The following FLNB variants were observed in gnomAD, a reference collection of about 807,000 sequenced individuals.
FLNB encodes filamin B.
FLNB carries 111 observed loss-of-function variants against 250.6 expected under a neutral mutation model. The observed-to-expected ratio is 0.44, with a 90% CI of 0.38 to 0.52. FLNB has a LOEUF of 0.52. FLNB is among the 20% of genes least tolerant of loss of function. The pLI is 0.00. For synonymous variants in FLNB, 1,302 were observed against 1,372.1 expected (o/e 0.95, Z 1.13); for missense variants, 2,869 against 3,447.8 (o/e 0.83, Z 4.20).
At chr3:58,129,406 G>A (rs907601070) in intron 24 of FLNB, among the ~76,000 whole-genome samples, 3 of 152,206 alleles carry the variant, frequency 2.0e-5, no homozygotes, top group African/African-American at 7.2e-5. Context: ...CTCATGCTGA[G>A]CTCAGACAAC....
chr3:58,015,699 G>A (rs2097104793), intron 1 of FLNB, among the ~76,000 whole-genome samples: 1 of 152,098 alleles, frequency 6.6e-6, no homozygotes, highest in African/African-American at 2.4e-5. Context: ...AGTAGGTGCT[G>A]GGGTGTAGGC....
At position 58,108,534 on chromosome 3, in the gene FLNB, A is replaced by G; in HGVS notation, c.2018A>G (p.Lys673Arg). 6.2e-7 allele frequency: 1 copy of G among 1,614,062 alleles called. No individual in the cohort carries two copies. The highest frequency in any genetic ancestry group is 8.5e-7 in the Non-Finnish European group (1 of 1,179,898). ...CTGGCCGAGTTCACTGTGGATCCTA[A>G]GGATGCTGGAAAAGCTCCCTTAAAG... ...NNLAEFTVDPKDAGKAPLKIF... is the reference protein window; with the variant it reads ...NNLAEFTVDPRDAGKAPLKIF... The change falls in exon 13 of 46, where the codon AAG (lysine) becomes AGG (arginine). Residue 673 changes from lysine to arginine, a missense_variant. Lys to Arg is a conservative substitution (Grantham distance 26, BLOSUM62 2). This residue lies in a region of FLNB where 1,348 missense variants were observed against 1,466.7 expected (regional missense o/e 0.92). Coordinates refer to ENST00000295956, the MANE Select transcript of FLNB (RefSeq NM_001457.4).
At chr3:58,111,961 A>T in intron 17 of FLNB, 80 bp downstream of exon 17, 1 of 1,283,004 alleles carries the variant, frequency 7.8e-7, no homozygotes, top group Non-Finnish European at 1.1e-6. Context: ...GGCCTTGAGG[A>T]ACTTCATCTC....
At chr3:58,121,583 C>T (rs1230614751) in intron 20 of FLNB, 80 bp downstream of exon 20, 3 of 1,560,656 alleles carry the variant, frequency 1.9e-6, no homozygotes, top group Middle Eastern at 1.7e-4. Flanking sequence ...TTCTTCCTGG[C>T]AAAGACCTTC....
At position 58,106,888 on chromosome 3, in the gene FLNB, G is replaced by A. The variant is rs1221575506; in HGVS notation, c.1941+15G>A. ...ACCCTGATCTGGTGAATCAGCTGCT[G>A]TGCTTCTGTCTTCTTGTCCCTGGCC... On this transcript the variant is annotated intron_variant, in intron 12 of 45. Coordinates refer to ENST00000295956, the MANE Select transcript of FLNB (RefSeq NM_001457.4). The A allele has an allele frequency of 1.2e-6, 2 of 1,610,938 alleles. No homozygotes were observed. The highest frequency in any genetic ancestry group is 1.3e-5 in the African/African-American group (1 of 74,868).
intron 1 of FLNB, among the ~76,000 whole-genome samples, chr3:58,063,539 TC>T (rs1200475028): frequency 6.6e-6 from 1 of 152,128 alleles, no homozygotes; most frequent in East Asian, 1.9e-4. Context: ...CAGGCAGAGT[TC>T]CCCCTATCTG....
At chr3:58,013,131 A>T (rs944852544) in intron 1 of FLNB, among the ~76,000 whole-genome samples, 3 of 152,126 alleles carry the variant, frequency 2.0e-5, no homozygotes. Flanking sequence ...TTTTCCAAAA[A>T]CCTTTCTGAC....
chr3:58,154,510 A>T (rs1385885761), intron 39 of FLNB: 1 of 377,776 alleles, frequency 2.6e-6, no homozygotes, highest in Non-Finnish European at 5.0e-6. Context: ...GCACCACTGC[A>T]CTCCAGCCTG....
intron 1 of FLNB, among the ~76,000 whole-genome samples, chr3:58,056,073 TTTTA>T (rs1197071012): frequency 1.3e-3 from 193 of 145,010 alleles, no homozygotes; most frequent in African/African-American, 3.2e-3. Flanking sequence ...CATTAATAAA[TTTTA>T]TTTATTTATT....
chr3:58,123,293 C>T lies in FLNB; in HGVS notation c.3327C>T (p.Val1109=). 13 of 1,614,176 alleles carry T rather than the reference C, an allele frequency of 8.1e-6. No homozygotes were observed. Among genetic ancestry groups the T allele is most frequent in the Non-Finnish European group, 1.1e-5 (13 of 1,180,030 alleles). The change falls in exon 21 of 46, where the codon GTC becomes GTT. Residue 1109 remains valine, a synonymous_variant. Coordinates refer to ENST00000295956, the MANE Select transcript of FLNB (RefSeq NM_001457.4). ...CCACAAAACCCGGGGAGTACTTCGT[C>T]AACATCCTCTTTGAAGAAGTCCACA... is the stretch of plus-strand genomic sequence containing the variant. ...YLPTKPGEYF[V]NILFEEVHIP...
chr3:58,066,227 T>A (rs960581075), intron 1 of FLNB, among the ~76,000 whole-genome samples: 1 of 151,376 alleles, frequency 6.6e-6, no homozygotes, highest in African/African-American at 2.4e-5. Context: ...CTTTTTTTTT[T>A]TTTTGAGACA....
chr3:58,129,157 C>T (rs3772993), intron 24 of FLNB, among the ~76,000 whole-genome samples: 58,688 of 151,948 alleles, frequency 0.39, 13,617 homozygotes, highest in East Asian at 0.91. Context: ...TTTTTAACAA[C>T]GTGTCCTGTC....
chr3:58,021,765 C>A (rs2097114378), intron 1 of FLNB, among the ~76,000 whole-genome samples: 1 of 148,554 alleles, frequency 6.7e-6, no homozygotes, highest in South Asian at 2.4e-4. Context: ...GCACCCAACA[C>A]CTTGTTTTTT....
At chr3:58,020,500 T>C (rs1372041985) in intron 1 of FLNB, among the ~76,000 whole-genome samples, 1 of 152,194 alleles carries the variant, frequency 6.6e-6, no homozygotes, top group Non-Finnish European at 1.5e-5. Context: ...CATTCAGGGC[T>C]CAGCCTCCCC....
At chr3:58,011,135 G>A (rs1321623277) in intron 1 of FLNB, among the ~76,000 whole-genome samples, 4 of 152,074 alleles carry the variant, frequency 2.6e-5, no homozygotes, top group South Asian at 2.1e-4. Context: ...GGCTGGTCTC[G>A]AACTCTTGAC....
At position 58,153,703 on chromosome 3, in the gene FLNB, C is replaced by T. The variant is rs558583624; in HGVS notation, c.6634+62C>T. 173 of 1,587,620 alleles carry T rather than the reference C, an allele frequency of 1.1e-4. 2 individuals are homozygous for T. The South Asian group carries it at 1.3e-3, about 12-fold the overall frequency. On this transcript the variant is annotated intron_variant, in intron 39 of 45. Transcript: ENST00000295956. Reference sequence around the variant, plus strand: ...TAGAGTTGAGCCCAGGCAGTGTGGGCACCCACATACTTTTTTGCCCCATTT... The same window carrying T: ...TAGAGTTGAGCCCAGGCAGTGTGGGTACCCACATACTTTTTTGCCCCATTT...
At chr3:58,097,709 A>G in intron 6 of FLNB, 106 bp from the exon 7 acceptor site, 1 of 1,141,606 alleles carries the variant, frequency 8.8e-7, no homozygotes, top group African/African-American at 1.5e-5. Flanking sequence ...TGTGTGTGCC[A>G]TCATGGGAGG....
chr3:58,124,506 G>C lies in FLNB; in HGVS notation c.3898+1G>C. On this transcript the variant is annotated splice_donor_variant, in intron 22 of 45. Coordinates refer to ENST00000295956, the MANE Select transcript of FLNB (RefSeq NM_001457.4). LOFTEE classifies it high-confidence loss of function. ...GTGGAATACACACCCTTTGAGAAAGGTGAGCCGCCCTGTCCTCGGACTGGA... is the reference window on the plus strand; with the variant it reads ...GTGGAATACACACCCTTTGAGAAAGCTGAGCCGCCCTGTCCTCGGACTGGA... 1 of 1,614,156 alleles carries C rather than the reference G, an allele frequency of 6.2e-7. No homozygotes were observed. The highest frequency in any genetic ancestry group is 1.3e-5 in the African/African-American group (1 of 75,058).
chr3:58,037,589 A>AAT (rs1014703257), intron 1 of FLNB, among the ~76,000 whole-genome samples: 48 of 152,220 alleles, frequency 3.2e-4, no homozygotes, highest in African/African-American at 1.2e-3. Flanking sequence ...CCCCAGGTAG[A>AAT]ATTATTCATT....
Sources: allele counts gnomAD v4.1 joint callset (sites outside exome capture counted in the v4.1 genomes callset), GRCh38; gene constraint gnomAD v4.1.1; regional missense constraint gnomAD v4.1.1; transcripts MANE v1.5; gene names NCBI Gene and HGNC (gene_info 2026-07-23, HGNC 2026-07-21).